The following UPRT variants were observed in gnomAD, a reference collection of about 807,000 sequenced individuals.
UPRT encodes the protein uracil phosphoribosyltransferase homolog, also known as RP11-311P8.3.
Under a neutral mutation model 22.6 loss-of-function variants are expected in UPRT, and 5 were observed. The observed-to-expected ratio is 0.22, with a 90% CI of 0.12 to 0.47. The LOEUF (loss-of-function observed/expected upper bound fraction) is 0.47, where lower values mean the gene tolerates loss of function less well. UPRT is among the 20% of genes least tolerant of loss of function. UPRT has a pLI of 0.99. For synonymous variants in UPRT, 77 were observed against 87.7 expected, an observed-to-expected ratio of 0.88 and a Z score of 0.68; for missense variants, 181 against 239.9, an observed-to-expected ratio of 0.75 and a Z score of 1.62.
intron 4 of UPRT, among the ~76,000 whole-genome samples, chrX:75,264,893 C>T (rs920103522): frequency 4.5e-5 from 5 of 111,854 alleles, no homozygotes; most frequent in Admixed American, 9.5e-5. Flanking sequence ...CAAAATCTCT[C>T]GGCATTTGCC....
intron 4 of UPRT, among the ~76,000 whole-genome samples, chrX:75,207,774 C>T (rs1167524673): frequency 9.0e-6 from 1 of 111,358 alleles, no homozygotes; most frequent in Non-Finnish European, 1.9e-5. Flanking sequence ...GGTGGCCAGC[C>T]TTGGATGACA....
intron 1 of UPRT, among the ~76,000 whole-genome samples, chrX:75,281,924 T>C (rs2082659048): frequency 9.0e-6 from 1 of 111,492 alleles, no homozygotes; most frequent in Non-Finnish European, 1.9e-5. Flanking sequence ...AATTTTTAAA[T>C]TACCATTTCA....
In UPRT at chrX:75,214,956, AACACACACACAC is replaced by A. The variant is rs56673150; in HGVS notation, c.-447+47109_-447+47120del. On this transcript the variant is annotated intron_variant, in intron 4 of 13. Coordinates refer to the UPRT transcript ENST00000652605. Reference sequence around the variant, plus strand: ...GGTAGATCTTATATTAAGTATTCTCAACACACACACACACACACACACACACACACACACACA... The same window carrying A: ...GGTAGATCTTATATTAAGTATTCTCAACACACACACACACACACACACACA... Among the ~76,000 whole-genome samples, 482 of 99,045 alleles carry A rather than the reference AACACACACACAC, an allele frequency of 4.9e-3. 2 individuals carry two copies. The highest frequency in any genetic ancestry group is 0.015 in the South Asian group (33 of 2,261). 86.0% of individuals were successfully genotyped at this position (99,045 alleles called of 115,157 possible).
At chrX:75,237,758 T>C (rs1467327398) in intron 4 of UPRT, among the ~76,000 whole-genome samples, 7 of 85,721 alleles carry the variant, frequency 8.2e-5, no homozygotes, top group African/African-American at 2.8e-4. Context: ...TGAGAACACA[T>C]GGACACAGGA....
chrX:75,242,530 G>C (rs1363671986), intron 4 of UPRT, among the ~76,000 whole-genome samples: 1 of 110,453 alleles, frequency 9.1e-6, no homozygotes, highest in East Asian at 2.9e-4. Context: ...TTGAGGACCT[G>C]GGTTCTAGAA....
chrX:75,241,343 A>G (rs1319982864), intron 4 of UPRT, among the ~76,000 whole-genome samples: 3 of 112,070 alleles, frequency 2.7e-5, no homozygotes, highest in East Asian at 2.8e-4. Context: ...ATCACTAATG[A>G]TCAGGGAAAT....
intron 4 of UPRT, among the ~76,000 whole-genome samples, chrX:75,184,341 C>A (rs1454516850): frequency 5.5e-5 from 6 of 109,470 alleles, no homozygotes; most frequent in African/African-American, 2.0e-4. Flanking sequence ...TGTAGATATG[C>A]GGCATTATTT....
chrX:75,296,109 G>A (rs2082724977), intron 2 of UPRT, among the ~76,000 whole-genome samples: 1 of 111,381 alleles, frequency 9.0e-6, no homozygotes, highest in South Asian at 3.9e-4. Context: ...AGGAATATTG[G>A]AGCCTTTTGG....
intron 4 of UPRT, among the ~76,000 whole-genome samples, chrX:75,263,669 C>A (rs2082576758): frequency 9.4e-6 from 1 of 106,605 alleles, no homozygotes; most frequent in South Asian, 4.2e-4. Flanking sequence ...AAAAAACCAG[C>A]TCCTGGATTC....
chrX:75,234,956 T>G (rs2082454982), intron 4 of UPRT, among the ~76,000 whole-genome samples: 1 of 110,505 alleles, frequency 9.0e-6, no homozygotes, highest in Non-Finnish European at 1.9e-5. Flanking sequence ...CTGAAGGAAA[T>G]AGAGACACAA....
At chrX:75,223,287 A>G (rs1340531722) in intron 4 of UPRT, among the ~76,000 whole-genome samples, 2 of 109,495 alleles carry the variant, frequency 1.8e-5, no homozygotes, top group Non-Finnish European at 3.8e-5. Flanking sequence ...GGAGCTTCAC[A>G]TTAGGCTGGC....
intron 4 of UPRT, among the ~76,000 whole-genome samples, chrX:75,208,610 C>A (rs1247987340): frequency 9.0e-6 from 1 of 111,664 alleles, no homozygotes; most frequent in Non-Finnish European, 1.9e-5. Context: ...GGCACCACCA[C>A]CTGGTTTACA....
intron 4 of UPRT, among the ~76,000 whole-genome samples, chrX:75,190,710 C>T (rs190156872): frequency 8.1e-5 from 9 of 111,683 alleles, no homozygotes; most frequent in South Asian, 3.8e-4. Context: ...CTTCTCTTCT[C>T]GCTTCATTTC....
At chrX:75,180,546 CGCTTTTCTG>C (rs2082265570) in intron 4 of UPRT, among the ~76,000 whole-genome samples, 3 of 111,397 alleles carry the variant, frequency 2.7e-5, no homozygotes, top group Non-Finnish European at 5.7e-5. Flanking sequence ...AGATTCTCTC[CGCTTTTCTG>C]ACATATTCCT....
At chrX:75,266,340 A>G (rs2082588335) in intron 4 of UPRT, among the ~76,000 whole-genome samples, 1 of 111,791 alleles carries the variant, frequency 8.9e-6, no homozygotes, top group Non-Finnish European at 1.9e-5. Flanking sequence ...CCCATGGGGA[A>G]AGGATTCCCT....
At chrX:75,179,512 C>T (rs142697512) in intron 4 of UPRT, among the ~76,000 whole-genome samples, 1,688 of 113,390 alleles carry the variant, frequency 0.015, 26 homozygotes, top group African/African-American at 0.051. Flanking sequence ...GCCATGCGCT[C>T]GCACTCCTCA....
chrX:75,179,035 C>T (rs1218618368), intron 4 of UPRT, among the ~76,000 whole-genome samples: 6 of 111,734 alleles, frequency 5.4e-5, no homozygotes, highest in African/African-American at 2.0e-4. Flanking sequence ...TAGTTAGATA[C>T]AGAGTTTCGA....
At chrX:75,267,698 T>G in intron 4 of UPRT, among the ~76,000 whole-genome samples, 1 of 112,278 alleles carries the variant, frequency 8.9e-6, no homozygotes, top group Non-Finnish European at 1.9e-5. Context: ...AATAAAGATT[T>G]TCTTTGAAAC....
intron 4 of UPRT, among the ~76,000 whole-genome samples, chrX:75,191,851 T>A (rs992133122): frequency 2.1e-4 from 24 of 111,809 alleles, no homozygotes; most frequent in Non-Finnish European, 1.9e-5. Flanking sequence ...TTCCAGGTGC[T>A]GTGTGTCACA....
Sources: allele counts gnomAD v4.1 joint callset (sites outside exome capture counted in the v4.1 genomes callset), GRCh38; gene constraint gnomAD v4.1.1; transcripts MANE v1.5; gene names NCBI Gene and HGNC (gene_info 2026-07-23, HGNC 2026-07-21).